MAP4K1: variants seen among roughly 807,000 people sequenced by gnomAD.
MAP4K1 encodes MAPK/ERK kinase kinase kinase 1.
Under a neutral mutation model 122.8 loss-of-function variants are expected in MAP4K1, and 35 were observed. That is an observed-to-expected ratio of 0.29 (90% confidence interval 0.22 to 0.38). The LOEUF is 0.38. MAP4K1 is among the 10% of genes least tolerant of loss of function. MAP4K1 has a pLI of 1.00. For missense variants in MAP4K1, 791 were observed against 1,072.6 expected, an observed-to-expected ratio of 0.74 and a Z score of 3.67; for synonymous variants, 412 against 421.3, an observed-to-expected ratio of 0.98 and a Z score of 0.27.
chr19:38,602,835 CATATACAT>C (rs1245298705), intron 19 of MAP4K1, among the ~76,000 whole-genome samples: 1 of 147,918 alleles, frequency 6.8e-6, no homozygotes, highest in African/African-American at 2.5e-5. Flanking sequence ...CATATATACG[CATATACAT>C]ATATACACAT....
At chr19:38,610,093 G>C (rs2144735156) in intron 11 of MAP4K1, 68 bp from the exon 12 acceptor site, 2 of 1,153,956 alleles carry the variant, frequency 1.7e-6, no homozygotes, top group South Asian at 1.2e-5. Context: ...TGTGGACAGA[G>C]AGGACTGGTA....
rs1046157423 is a variant in MAP4K1, at chr19:38,603,245, CAT to C, written c.1447-1722_1447-1721del. Among the ~76,000 whole-genome samples, 28 of 149,140 alleles carry C rather than the reference CAT, an allele frequency of 1.9e-4. 1 individual carries two copies. The highest frequency in any genetic ancestry group is 7.9e-3 in the Middle Eastern group (2 of 252). On this transcript the variant is annotated intron_variant, in intron 19 of 30. Transcript: ENST00000396857. The stretch of plus-strand genomic sequence containing the variant: ...ATATACATATACACATATATATACA[CAT>C]GTACATATATACGCATATACATATA...
intron 22 of MAP4K1, among the ~76,000 whole-genome samples, chr19:38,598,614 G>A (rs925240495): frequency 6.6e-6 from 1 of 152,118 alleles, no homozygotes; most frequent in African/African-American, 2.4e-5. Context: ...TCACAGGCAT[G>A]AGCCACTGCA....
At position 38,587,657 on chromosome 19, in the gene MAP4K1, T is replaced by G; in HGVS notation, c.*91A>C. On this transcript the variant is annotated 3_prime_UTR_variant, in exon 31 of 31. Coordinates refer to ENST00000396857, the MANE Select transcript of MAP4K1 (RefSeq NM_001042600.3). Reference sequence around the variant, plus strand: ...AAGATGACAGCAGAGGCTAAAGTCATGTTTATTGGGAGATGAGGACATGCC... The same window carrying G: ...AAGATGACAGCAGAGGCTAAAGTCAGGTTTATTGGGAGATGAGGACATGCC... The G allele has an allele frequency of 1.9e-6, 2 of 1,064,200 alleles. No individual in the cohort carries two copies. The highest frequency in any genetic ancestry group is 2.9e-6 in the Non-Finnish European group (2 of 686,618). The allele number at this position is 1,064,200 out of a possible 1,614,324, so 65.9% of individuals were successfully genotyped here.
chr19:38,604,159 T>G (rs1230221172), intron 19 of MAP4K1, among the ~76,000 whole-genome samples: 5 of 142,836 alleles, frequency 3.5e-5, no homozygotes, highest in African/African-American at 1.3e-4. Flanking sequence ...AAAAAGACTT[T>G]AGAGAGTTCT....
Position 38,614,090 on chromosome 19 carries a change from G to A in MAP4K1, c.418-5C>T. On this transcript the variant is annotated splice_polypyrimidine_tract_variant and splice_region_variant and intron_variant, in intron 6 of 30. Transcript: ENST00000396857. ...ATTGATGAGGATGTTAGCTCCCTGGGAATGAGAGGGGATATGGGAGGCTGC... is the reference window on the plus strand; with the variant it reads ...ATTGATGAGGATGTTAGCTCCCTGGAAATGAGAGGGGATATGGGAGGCTGC... The A allele has an allele frequency of 6.2e-7, 1 of 1,613,492 alleles. No homozygotes were observed. Among genetic ancestry groups the A allele is most frequent in the Non-Finnish European group, 8.5e-7 (1 of 1,179,920 alleles).
Position 38,597,671 on chromosome 19 carries a change from C to T in MAP4K1, c.1670-77G>A, listed in dbSNP as rs902288569. On this transcript the variant is annotated intron_variant, in intron 22 of 30. Coordinates refer to ENST00000396857, the MANE Select transcript of MAP4K1 (RefSeq NM_001042600.3). The surrounding 1 kb of genome is among the most constrained non-coding windows in gnomAD (Gnocchi z 4.6). ...ACCACTTCCTTTCCTCCATCCCTTC[C>T]CTCAGCCCCATCCCTTTGTCTGAAA... 2 of 935,320 alleles carry T rather than the reference C, an allele frequency of 2.1e-6. No individual in the cohort carries two copies. Among genetic ancestry groups the T allele is most frequent in the Non-Finnish European group, 3.2e-6 (2 of 623,986 alleles). 57.9% of individuals were successfully genotyped at this position (935,320 alleles called of 1,614,324 possible).
At position 38,607,923 on chromosome 19, in the gene MAP4K1, C is replaced by A. The variant is rs376987306; in HGVS notation, c.1110-12G>T. ...CTGACAGTTGCTTCCTGAAGGGTGA[C>A]AGGTATGAGCCTTGGGGGCCTTGTC... is the stretch of plus-strand genomic sequence containing the variant. On this transcript the variant is annotated splice_polypyrimidine_tract_variant and intron_variant, in intron 15 of 30. Transcript: ENST00000396857. The A allele has an allele frequency of 1.2e-6, 2 of 1,612,428 alleles. No homozygotes were observed. Among genetic ancestry groups the A allele is most frequent in the Non-Finnish European group, 1.7e-6 (2 of 1,179,346 alleles).
Position 38,599,828 on chromosome 19 carries a change from T to C in MAP4K1, c.1669+97A>G. ...CCTAGGACTTTGTGACCAAGCAGTC[T>C]AAGTTTTTTTTCAGCTGTGCCCGTC... On this transcript the variant is annotated intron_variant, in intron 22 of 30. Coordinates refer to ENST00000396857, the MANE Select transcript of MAP4K1 (RefSeq NM_001042600.3). The C allele has an allele frequency of 2.6e-6, 3 of 1,158,074 alleles. No homozygotes were observed. In the South Asian group the frequency reaches 3.7e-5, roughly 14 times the overall value. 71.7% of individuals were successfully genotyped at this position (1,158,074 alleles called of 1,614,324 possible).
At position 38,588,566 on chromosome 19, in the gene MAP4K1, C is replaced by T. The variant is rs547791956; in HGVS notation, c.2397-749G>A. ...TTATCCAGGTCCATCCTGGCTAACA[C>T]GGTGAAACCCCATCTCTACTAAAAA... On this transcript the variant is annotated intron_variant, in intron 30 of 30. Transcript: ENST00000396857. 8.4e-4 allele frequency among the ~76,000 whole-genome samples: 128 copies of T among 151,798 alleles called. 1 individual carries two copies. The highest frequency in any genetic ancestry group is 2.9e-3 in the African/African-American group (122 of 41,414).
chr19:38,596,614 G>A, intron 25 of MAP4K1, 128 bp from the exon 26 acceptor site: 2 of 827,758 alleles, frequency 2.4e-6, no homozygotes, highest in Non-Finnish European at 3.6e-6. Context: ...GTCTAGAAAT[G>A]TCAGGGGATA....
In MAP4K1 at chr19:38,601,540, G is replaced by A. The variant is rs774502793; in HGVS notation, c.1447-15C>T. 27 of 1,587,754 alleles carry A rather than the reference G, an allele frequency of 1.7e-5. No individual in the cohort carries two copies. The highest frequency in any genetic ancestry group is 5.3e-5 in the Admixed American group (3 of 56,614). Reference sequence around the variant, plus strand: ...AGGGCACATCCCTGGGCAGGTCGCCGCGGGGCCAGGCAGCAGATCCGGCAA... The same window carrying A: ...AGGGCACATCCCTGGGCAGGTCGCCACGGGGCCAGGCAGCAGATCCGGCAA... On this transcript the variant is annotated splice_polypyrimidine_tract_variant and intron_variant, in intron 19 of 30. Transcript: ENST00000396857.
intron 19 of MAP4K1, among the ~76,000 whole-genome samples, chr19:38,603,713 G>A (rs1173301972): frequency 1.3e-5 from 2 of 152,232 alleles, no homozygotes; most frequent in East Asian, 1.9e-4. Flanking sequence ...GCCGGGCGCG[G>A]TGGCTCACGC....
intron 8 of MAP4K1, among the ~76,000 whole-genome samples, chr19:38,613,311 A>G (rs1975553916): frequency 6.7e-6 from 1 of 149,614 alleles, no homozygotes; most frequent in Non-Finnish European, 1.5e-5. Context: ...CGTCTCAAGA[A>G]AAAAAAAAAG....
chr19:38,594,986 T>A (rs559896968), intron 29 of MAP4K1, among the ~76,000 whole-genome samples: 1 of 150,924 alleles, frequency 6.6e-6, no homozygotes, highest in Non-Finnish European at 1.5e-5. Flanking sequence ...TCTATCTATC[T>A]ATCTATCTAT....
At position 38,605,665 on chromosome 19, in the gene MAP4K1, C is replaced by T. The variant is rs560515565; in HGVS notation, c.1266G>A (p.Pro422=). 7.5e-6 allele frequency: 12 copies of T among 1,605,560 alleles called. No individual in the cohort carries two copies. The highest frequency in any genetic ancestry group is 1.8e-5 in the Admixed American group (1 of 57,106). ...GSMGDDGQLS[P]GVLVRCASGP... is the part of the protein sequence containing the mutation. ...CACTGGCACACCGGACCAGCACCCCCGGGCTCAGCTGCCCATCATCCCCCA... is the reference window on the plus strand; with the variant it reads ...CACTGGCACACCGGACCAGCACCCCTGGGCTCAGCTGCCCATCATCCCCCA... Residue 422 remains proline (P), a synonymous_variant, in exon 18 of 31, where the codon CCG becomes CCA. Coordinates refer to ENST00000396857, the MANE Select transcript of MAP4K1 (RefSeq NM_001042600.3).
At chr19:38,605,986 A>G (rs1404273789) in intron 17 of MAP4K1, among the ~76,000 whole-genome samples, 187 bp downstream of exon 17, 1 of 152,188 alleles carries the variant, frequency 6.6e-6, no homozygotes, top group Non-Finnish European at 1.5e-5. Context: ...AGTGTCTAAG[A>G]GGCTAAATAT....
intron 12 of MAP4K1, 39 bp from the exon 13 acceptor site, chr19:38,609,713 C>T: frequency 6.4e-7 from 1 of 1,570,466 alleles, no homozygotes; most frequent in Non-Finnish European, 8.7e-7. Flanking sequence ...TCAAGACCCC[C>T]AAGCAGCCTC....
At position 38,597,169 on chromosome 19, in the gene MAP4K1, A is replaced by G. The variant is rs757275654; in HGVS notation, c.1838-32T>C. ...CATGGGCAAGGATGAGTCAAGATCA[A>G]TGCCCTCTATCCTCCTCGCCACCCA... On this transcript the variant is annotated intron_variant, in intron 24 of 30. Transcript: ENST00000396857. The surrounding 1 kb of genome is among the most constrained non-coding windows in gnomAD (Gnocchi z 4.6). 2.8e-5 allele frequency: 45 copies of G among 1,607,774 alleles called. No homozygotes were observed. The South Asian group carries it at 3.3e-4, about 12-fold the overall frequency.
Sources: allele counts gnomAD v4.1 joint callset (sites outside exome capture counted in the v4.1 genomes callset), GRCh38; gene constraint gnomAD v4.1.1; non-coding constraint Gnocchi (gnomAD v3.1); transcripts MANE v1.5; gene names NCBI Gene and HGNC (gene_info 2026-07-23, HGNC 2026-07-21).